Variants in MMP19 observed in about 807,000 individuals in gnomAD.
MMP19 encodes the protein matrix metalloproteinase-19.
Under a neutral mutation model 46.6 loss-of-function variants are expected in MMP19, and 47 were observed. The ratio of observed to expected loss-of-function variants is 1.01; its 90% CI spans 0.80 to 1.29. The LOEUF (loss-of-function observed/expected upper bound fraction) is 1.29. Ranked by LOEUF, MMP19 falls within the 50% of genes most tolerant of loss-of-function variation. MMP19 has a pLI of 0.00. For synonymous variants in MMP19, 222 were observed against 248.5 expected (o/e 0.89, Z 1.00); for missense variants, 589 against 643.5 (o/e 0.92, Z 0.92).
intron 4 of MMP19, 58 bp downstream of exon 4, chr12:55,840,609 A>G: frequency 6.6e-7 from 1 of 1,525,604 alleles, no homozygotes; most frequent in Non-Finnish European, 9.0e-7. Context: ...TCACTGGTTC[A>G]AGGAGACAGA....
At position 55,836,735 on chromosome 12, in the gene MMP19, A is replaced by C. The variant is rs1194174706; in HGVS notation, c.*301T>G. 1 of 237,962 alleles carries C rather than the reference A, an allele frequency of 4.2e-6. No individual in the cohort carries two copies. The highest frequency in any genetic ancestry group is 5.3e-5 in the Admixed American group (1 of 18,708). 14.7% of individuals were successfully genotyped at this position (237,962 alleles called of 1,614,324 possible). On this transcript the variant is annotated 3_prime_UTR_variant, in exon 9 of 9. Coordinates refer to ENST00000322569, the MANE Select transcript of MMP19 (RefSeq NM_002429.6). ...TTGACCTCCAGAGAAGAGATGACACAGTTGGAAGGGCTGTCTAAGACAGAC... is the reference window on the plus strand; with the variant it reads ...TTGACCTCCAGAGAAGAGATGACACCGTTGGAAGGGCTGTCTAAGACAGAC...
chr12:55,839,178 G>T (rs1881485555), intron 5 of MMP19, among the ~76,000 whole-genome samples: 1 of 149,432 alleles, frequency 6.7e-6, no homozygotes, highest in African/African-American at 2.5e-5. Context: ...GGAGGCGGAG[G>T]TTGCAGTGAG....
rs1318045373 is a variant in MMP19, at chr12:55,835,810, C to T, written c.*1226G>A. The T allele has an allele frequency of 6.6e-6, 1 of 151,986 alleles. No individual in the cohort carries two copies. The highest frequency in any genetic ancestry group is 2.4e-5 in the African/African-American group (1 of 41,318). 9.4% of individuals were successfully genotyped at this position (151,986 alleles called of 1,614,324 possible). A position where few individuals can be genotyped will look rare whatever the true frequency, so the allele number is the denominator to read the frequency against. ...CTTAAACTACCCCCACCCCCACCTC[C>T]GCCTCCTACCTCAGCTGGGAGCACT... On this transcript the variant is annotated 3_prime_UTR_variant, in exon 9 of 9. Coordinates refer to ENST00000322569, the MANE Select transcript of MMP19 (RefSeq NM_002429.6).
chr12:55,838,712 C>A lies in MMP19; in HGVS notation c.789G>T (p.Arg263Ser), dbSNP rs751732515. Residue 263 changes from arginine to serine, a missense_variant, in exon 6 of 9, where the codon AGG becomes AGT. By Grantham distance (110) the Arg-to-Ser change is moderately radical (BLOSUM62 -1). Coordinates refer to ENST00000322569, the MANE Select transcript of MMP19 (RefSeq NM_002429.6). ...ALYGKKSPVI[R>S]DEEEEETELP... ...GCTCTGTCTCTTCTTCTTCCTCATC[C>A]CTTATCACTGGACTCTTCTTGCCTA... 2 of 1,605,764 alleles carry A rather than the reference C, an allele frequency of 1.2e-6. No homozygotes were observed. The highest frequency in any genetic ancestry group is 1.7e-6 in the Non-Finnish European group (2 of 1,175,186).
intron 8 of MMP19, 79 bp downstream of exon 8, chr12:55,837,476 C>G (rs1881321651): frequency 1.3e-6 from 2 of 1,596,822 alleles, no homozygotes; most frequent in South Asian, 2.2e-5. Context: ...CATCTCCCTT[C>G]AAGCGCAAGC....
chr12:55,842,335 C>T lies in MMP19; in HGVS notation c.173+18G>A, dbSNP rs765576618. 6.2e-7 allele frequency: 1 copy of T among 1,603,218 alleles called. No individual in the cohort carries two copies. Among genetic ancestry groups the T allele is most frequent in the South Asian group, 1.1e-5 (1 of 90,834 alleles). ...TTGAGACCTTAGCCCTAAAGGCATACACCTCATAGCTTCTCACCTCAGAGC... is the reference window on the plus strand; with the variant it reads ...TTGAGACCTTAGCCCTAAAGGCATATACCTCATAGCTTCTCACCTCAGAGC... On this transcript the variant is annotated intron_variant, in intron 2 of 8. Coordinates refer to ENST00000322569, the MANE Select transcript of MMP19 (RefSeq NM_002429.6).
intron 2 of MMP19, chr12:55,841,510 TCTTCCTTC>T (rs10538119): frequency 0.024 from 4,529 of 187,726 alleles, 90 homozygotes; most frequent in African/African-American, 0.059. Flanking sequence ...TCTACTGCAA[TCTTCCTTC>T]CTTCCTTCCT....
intron 2 of MMP19, among the ~76,000 whole-genome samples, chr12:55,841,758 G>T (rs1392983399): frequency 6.6e-6 from 1 of 152,070 alleles, no homozygotes; most frequent in Non-Finnish European, 1.5e-5. Flanking sequence ...CTCTGTGGAG[G>T]TGTCTGGCTC....
At chr12:55,841,001 A>T in intron 3 of MMP19, 105 bp downstream of exon 3, 2 of 1,546,238 alleles carry the variant, frequency 1.3e-6, no homozygotes, top group Non-Finnish European at 1.8e-6. Context: ...TCACCAGGTG[A>T]TTATCTATTC....
At position 55,836,639 on chromosome 12, in the gene MMP19, C is replaced by G. The variant is rs529275503; in HGVS notation, c.*397G>C. 6.2e-6 allele frequency: 1 copy of G among 162,416 alleles called. No individual in the cohort carries two copies. Among genetic ancestry groups the G allele is most frequent in the South Asian group, 2.0e-4 (1 of 5,060 alleles). 10.1% of individuals were successfully genotyped at this position (162,416 alleles called of 1,614,324 possible). ...TCTCAAGGATTCCAAGGCCCTTGCTCAGTTTACTGGCCATGCTGTTTTCTT... is the reference window on the plus strand; with the variant it reads ...TCTCAAGGATTCCAAGGCCCTTGCTGAGTTTACTGGCCATGCTGTTTTCTT... On this transcript the variant is annotated 3_prime_UTR_variant, in exon 9 of 9. Coordinates refer to ENST00000322569, the MANE Select transcript of MMP19 (RefSeq NM_002429.6).
rs753019666 is a variant in MMP19, at chr12:55,838,699, C to T, written c.802G>A (p.Glu268Lys). The T allele has an allele frequency of 8.1e-6, 13 of 1,610,728 alleles. No individual in the cohort carries two copies. In the East Asian group the frequency reaches 2.2e-4, roughly 28 times the overall value. ...GGCACAGTGGGCAGCTCTGTCTCTT[C>T]TTCTTCCTCATCCCTTATCACTGGA... Reference protein sequence around the residue: ...KSPVIRDEEEEETELPTVPPV... With the variant: ...KSPVIRDEEEKETELPTVPPV... Residue 268 changes from glutamate (E) to lysine (K), a missense_variant, in exon 6 of 9, where the codon GAA becomes AAA. By Grantham distance (56) the Glu-to-Lys change is moderately conservative. Coordinates refer to ENST00000322569, the MANE Select transcript of MMP19 (RefSeq NM_002429.6).
chr12:55,836,966 G>C lies in MMP19; in HGVS notation c.*70C>G, dbSNP rs1202486963. 5 of 1,372,354 alleles carry C rather than the reference G, an allele frequency of 3.6e-6. No homozygotes were observed. The highest frequency in any genetic ancestry group is 2.9e-5 in the African/African-American group (2 of 68,752). 85.0% of individuals were successfully genotyped at this position (1,372,354 alleles called of 1,614,324 possible). A position where few individuals can be genotyped will look rare whatever the true frequency, so the allele number is the denominator to read the frequency against. On this transcript the variant is annotated 3_prime_UTR_variant, in exon 9 of 9. Transcript: ENST00000322569. ...CAGCTATTAGGCCTTAGGCTTCTGGGGGGGAAATGAAAGGGTGGGTGGTGG... is the reference window on the plus strand; with the variant it reads ...CAGCTATTAGGCCTTAGGCTTCTGGCGGGGAAATGAAAGGGTGGGTGGTGG...
intron 6 of MMP19, 68 bp from the exon 7 acceptor site, chr12:55,838,075 T>C (rs1282880438): frequency 3.5e-6 from 5 of 1,438,034 alleles, no homozygotes; most frequent in Non-Finnish European, 4.7e-6. Context: ...TGGGGGTATC[T>C]CAGGCTGACT....
At position 55,837,273 on chromosome 12, in the gene MMP19, C is replaced by G; in HGVS notation, c.1290G>C (p.Ser430=). 6.2e-7 allele frequency: 1 copy of G among 1,614,112 alleles called. No homozygotes were observed. The highest frequency in any genetic ancestry group is 8.5e-7 in the Non-Finnish European group (1 of 1,180,016). ...GLFTGVPNQP[S]AAMSWQDGRV... ...GGCCATCTTGCCAACTCATAGCAGC[C>G]GAGGGCTGGTTTGGCACTCCCGTAA... The change falls in exon 9 of 9, where the codon TCG becomes TCC. Residue 430 remains serine (S), a synonymous_variant. Coordinates refer to ENST00000322569, the MANE Select transcript of MMP19 (RefSeq NM_002429.6).
chr12:55,837,146 G>C lies in MMP19; in HGVS notation c.1417C>G (p.Arg473Gly), dbSNP rs377745970. Residue 473 changes from arginine (R) to glycine (G), a missense_variant, in exon 9 of 9, where the codon CGT becomes GGT. Arg to Gly is a moderately radical substitution (Grantham distance 125, BLOSUM62 -2). Transcript: ENST00000322569. ...RNISHNWMHCRPRTIDTTPSG... is the reference protein window; with the variant it reads ...RNISHNWMHCGPRTIDTTPSG... ...GGGGTAGTGTCTATAGTCCGGGGAC[G>C]ACAGTGCATCCAGTTGTGGGAAATA... The C allele has an allele frequency of 5.0e-6, 8 of 1,614,026 alleles. No homozygotes were observed. The African/African-American group carries it at 5.3e-5, about 11-fold the overall frequency.
In MMP19 at chr12:55,838,729, TC is replaced by T. The variant is rs1881453639; in HGVS notation, c.771del (p.Lys258ArgfsTer4). 6.3e-7 allele frequency: 1 copy of T among 1,589,142 alleles called. No homozygotes were observed. The highest frequency in any genetic ancestry group is 1.7e-5 in the Admixed American group (1 of 57,672). On this transcript the variant is annotated frameshift_variant, in exon 6 of 9. Transcript: ENST00000322569. LOFTEE classifies it high-confidence loss of function. ...TCCTCATCCCTTATCACTGGACTCT[TC>T]TTGCCTATAAGGTAAAGTAATGCTG... ...DVAGIQALYG[K>X]KSPVIRDEEE...
In MMP19 at chr12:55,839,691, C is replaced by G; in HGVS notation, c.571G>C (p.Asp191His). The G allele has an allele frequency of 1.2e-6, 2 of 1,614,136 alleles. No individual in the cohort carries two copies. Among genetic ancestry groups the G allele is most frequent in the East Asian group, 2.2e-5 (1 of 44,894 alleles). Residue 191 changes from aspartate (D) to histidine (H), a missense_variant, in exon 5 of 9, where the codon GAC (aspartate) becomes CAC (histidine). Transcript: ENST00000322569. ...CCCTCAGTCCAGAACTCGTCTTCGT[C>G]GAAGTGCACACTGCCCAGCTCTGGG... ...DIPELGSVHF[D>H]EDEFWTEGTY...
At position 55,838,651 on chromosome 12, in the gene MMP19, G is replaced by C. The variant is rs745862921; in HGVS notation, c.850C>G (p.Pro284Ala). Residue 284 changes from proline to alanine, a missense_variant, in exon 6 of 9, where the codon CCC becomes GCC. Transcript: ENST00000322569. The stretch of plus-strand genomic sequence containing the variant: ...TCACTACTGCAAGGGTCTGGCATGG[G>C]ACTGGGTTCTGTGGGCACTGGGGGC... ...TVPPVPTEPS[P>A]MPDPCSSELD... The C allele has an allele frequency of 1.2e-6, 2 of 1,614,106 alleles. No homozygotes were observed. The highest frequency in any genetic ancestry group is 4.5e-5 in the East Asian group (2 of 44,884).
chr12:55,842,712 G>A (rs376250853), intron 1 of MMP19, 32 bp downstream of exon 1: 25 of 1,551,566 alleles, frequency 1.6e-5, no homozygotes, highest in Admixed American at 3.7e-5. Flanking sequence ...CTGTCCCTCC[G>A]CTGGCCCAGG....
Sources: allele counts gnomAD v4.1 joint callset (sites outside exome capture counted in the v4.1 genomes callset), GRCh38; gene constraint gnomAD v4.1.1; transcripts MANE v1.5; gene names NCBI Gene and HGNC (gene_info 2026-07-23, HGNC 2026-07-21).